THSD7B: variants seen among roughly 807,000 people sequenced by gnomAD.
THSD7B encodes thrombospondin type-1 domain-containing protein 7B.
THSD7B carries 138 observed loss-of-function variants against 213.6 expected under a neutral mutation model. The ratio of observed to expected loss-of-function variants is 0.65; its 90% confidence interval spans 0.56 to 0.74. The LOEUF is 0.74. THSD7B is among the 30% of genes least tolerant of loss of function. THSD7B has a pLI of 0.00. For synonymous variants in THSD7B, 742 were observed against 687.0 expected (o/e 1.08, Z -1.25); for missense variants, 1,931 against 1,991.5 (o/e 0.97, Z 0.58).
chr2:137,497,199 C>A (rs946795429), intron 15 of THSD7B, among the ~76,000 whole-genome samples: 2 of 100,614 alleles, frequency 2.0e-5, no homozygotes, highest in Non-Finnish European at 4.7e-5. Context: ...AACACATACA[C>A]AACACACACA....
intron 12 of THSD7B, among the ~76,000 whole-genome samples, chr2:137,362,446 A>T (rs1354362861): frequency 6.6e-6 from 1 of 152,206 alleles, no homozygotes; most frequent in Non-Finnish European, 1.5e-5. Context: ...GGCAAATTGG[A>T]TAAAGAGTCA....
intron 7 of THSD7B, among the ~76,000 whole-genome samples, chr2:137,215,660 G>A (rs551959255): frequency 8.5e-5 from 13 of 152,288 alleles, no homozygotes; most frequent in African/African-American, 3.1e-4. Context: ...TTTAAAGCTT[G>A]TAAGAAGTCC....
At chr2:137,159,755 C>A (rs894675733) in intron 5 of THSD7B, among the ~76,000 whole-genome samples, 1 of 152,120 alleles carries the variant, frequency 6.6e-6, no homozygotes, top group Non-Finnish European at 1.5e-5. Flanking sequence ...TTTGCCAGCT[C>A]CCTCGCTCAG....
At chr2:137,365,207 G>T (rs1685378973) in intron 12 of THSD7B, among the ~76,000 whole-genome samples, 1 of 152,154 alleles carries the variant, frequency 6.6e-6, no homozygotes, top group South Asian at 2.1e-4. Flanking sequence ...GCTGAAACTG[G>T]ATCTCTTCCT....
chr2:137,432,207 G>A (rs1226913734), intron 14 of THSD7B, among the ~76,000 whole-genome samples: 5 of 152,154 alleles, frequency 3.3e-5, no homozygotes, highest in African/African-American at 1.2e-4. Flanking sequence ...CCTGGCCAAC[G>A]TGGTGAAACC....
chr2:137,065,743 G>A (rs1010057251), intron 3 of THSD7B, among the ~76,000 whole-genome samples: 4 of 151,902 alleles, frequency 2.6e-5, no homozygotes, highest in Admixed American at 2.6e-4. Context: ...AGAATTTGCA[G>A]TGTACATTTA....
At chr2:136,858,820 C>T (rs1285599476) in intron 1 of THSD7B, among the ~76,000 whole-genome samples, 1 of 152,192 alleles carries the variant, frequency 6.6e-6, no homozygotes, top group Admixed American at 6.5e-5. Context: ...ATAATATCTT[C>T]CCATGGTGCG....
At chr2:137,456,868 C>A (rs552774951) in intron 15 of THSD7B, among the ~76,000 whole-genome samples, 1 of 152,288 alleles carries the variant, frequency 6.6e-6, no homozygotes, top group Admixed American at 6.5e-5. Flanking sequence ...AATCCCAAAG[C>A]CCAGGCATAC....
chr2:137,667,605 C>G (rs990614379), intron 26 of THSD7B, among the ~76,000 whole-genome samples, 169 bp from the exon 27 acceptor site: 4 of 152,100 alleles, frequency 2.6e-5, no homozygotes, highest in Non-Finnish European at 5.9e-5. Context: ...ACAGAGTATG[C>G]TAGAGCATTG....
chr2:137,669,560 C>T (rs1683519695), intron 27 of THSD7B, among the ~76,000 whole-genome samples: 1 of 152,110 alleles, frequency 6.6e-6, no homozygotes. Flanking sequence ...AGGAAGCATT[C>T]ACCACCAGAA....
chr2:137,094,802 G>T, intron 3 of THSD7B, 71 bp from the exon 4 acceptor site: 34 of 1,518,230 alleles, frequency 2.2e-5, no homozygotes, highest in Non-Finnish European at 2.9e-5. Flanking sequence ...TTTTCTCATG[G>T]TAGGCACTTT....
intron 15 of THSD7B, among the ~76,000 whole-genome samples, chr2:137,454,547 T>A (rs1488827971): frequency 6.6e-6 from 1 of 152,046 alleles, no homozygotes; most frequent in Non-Finnish European, 1.5e-5. Flanking sequence ...TGTTCTTATG[T>A]ATAGTAGAAT....
intron 15 of THSD7B, among the ~76,000 whole-genome samples, chr2:137,535,085 G>A (rs1215402315): frequency 6.6e-6 from 1 of 151,666 alleles, no homozygotes; most frequent in African/African-American, 2.4e-5. Context: ...AAAAAGTTGT[G>A]AATACAGATA....
intron 2 of THSD7B, among the ~76,000 whole-genome samples, chr2:136,916,410 G>A (rs1573708720): frequency 6.6e-6 from 1 of 152,274 alleles, no homozygotes; most frequent in South Asian, 2.1e-4. Flanking sequence ...CCAGGCAGAC[G>A]GTTAGTGTGC....
intron 14 of THSD7B, 72 bp from the exon 15 acceptor site, chr2:137,450,773 C>T: frequency 8.4e-7 from 1 of 1,189,434 alleles, no homozygotes; most frequent in Non-Finnish European, 1.2e-6. Context: ...AAACTGTGAT[C>T]ATGGAAATAG....
intron 15 of THSD7B, among the ~76,000 whole-genome samples, chr2:137,554,681 G>A (rs531893272): frequency 9.2e-5 from 14 of 152,224 alleles, no homozygotes; most frequent in Non-Finnish European, 2.1e-4. Flanking sequence ...CATCTCACTG[G>A]GGCGTGTCAG....
chr2:137,661,648 T>A (rs1683346597), intron 25 of THSD7B, among the ~76,000 whole-genome samples: 1 of 152,106 alleles, frequency 6.6e-6, no homozygotes, highest in Admixed American at 6.6e-5. Flanking sequence ...AGTGAAAGTT[T>A]ATTAAAAAGT....
At chr2:137,059,775 C>G (rs1038273629) in intron 3 of THSD7B, among the ~76,000 whole-genome samples, 2 of 152,158 alleles carry the variant, frequency 1.3e-5, no homozygotes, top group African/African-American at 4.8e-5. Context: ...CATTCACCTA[C>G]TGAAGTACAT....
intron 2 of THSD7B, among the ~76,000 whole-genome samples, chr2:136,983,358 G>GACACACACAC (rs778968995): frequency 0.033 from 3,469 of 105,086 alleles, 189 homozygotes; most frequent in African/African-American, 0.097. Context: ...CAGACACACA[G>GACACACACAC]ACACACACAC....
Sources: gnomAD v4.1 joint callset for allele counts (sites outside exome capture counted in the v4.1 genomes callset) on GRCh38, gnomAD v4.1.1 for gene constraint, MANE v1.5 for transcripts, NCBI Gene and HGNC (gene_info 2026-07-23, HGNC 2026-07-21) for gene names.